SEL1L2: variants seen among roughly 807,000 people sequenced by gnomAD.
SEL1L2 encodes the protein protein sel-1 homolog 2.
Under a neutral mutation model 98.8 loss-of-function variants are expected in SEL1L2, and 89 were observed. The ratio of observed to expected loss-of-function variants is 0.90; its 90% CI spans 0.76 to 1.07. The LOEUF is 1.07. Among genes scored for constraint, SEL1L2 ranks in the 50% least tolerant of loss-of-function variants. The pLI is 0.00. For synonymous variants in SEL1L2, 262 were observed against 278.5 expected, an observed-to-expected ratio of 0.94 and a Z score of 0.59; for missense variants, 788 against 812.0, an observed-to-expected ratio of 0.97 and a Z score of 0.36.
At chr20:13,875,075 C>T (rs1407392629) in intron 12 of SEL1L2, among the ~76,000 whole-genome samples, 7 of 152,142 alleles carry the variant, frequency 4.6e-5, no homozygotes, top group Admixed American at 3.3e-4. Context: ...TATACCATTT[C>T]GATCGTCCCT....
Position 13,931,589 on chromosome 20 carries a change from G to T in SEL1L2, c.283+14C>A. The stretch of plus-strand genomic sequence containing the variant: ...GTCATTTTAAATTTACATGTGAAAA[G>T]ATATTCTACTTACAATGATTCTTAT... On this transcript the variant is annotated intron_variant, in intron 3 of 19. Transcript: ENST00000284951. 1 of 1,303,114 alleles carries T rather than the reference G, an allele frequency of 7.7e-7. No individual in the cohort carries two copies. Among genetic ancestry groups the T allele is most frequent in the Non-Finnish European group, 1.0e-6 (1 of 962,866 alleles). 80.7% of individuals were successfully genotyped at this position (1,303,114 alleles called of 1,614,324 possible). A position where few individuals can be genotyped will look rare whatever the true frequency, so the allele number is the denominator to read the frequency against.
At chr20:13,912,604 T>G (rs2048253280) in intron 5 of SEL1L2, among the ~76,000 whole-genome samples, 1 of 152,126 alleles carries the variant, frequency 6.6e-6, no homozygotes. Flanking sequence ...GCCCAATTTT[T>G]TCTGTGGGAG....
intron 1 of SEL1L2, among the ~76,000 whole-genome samples, chr20:13,980,224 A>C (rs1459276302): frequency 6.6e-6 from 1 of 152,112 alleles, no homozygotes; most frequent in Non-Finnish European, 1.5e-5. Context: ...AGAAAAGGGA[A>C]ATCTTTTTTG....
rs151191201 is a variant in SEL1L2 at position 13,967,029 on chromosome 20, G to A, written c.59-10898C>T. On this transcript the variant is annotated intron_variant, in intron 1 of 19. Transcript: ENST00000284951. ...CCTGAGTAGCTGGAACTATAGGCACGGGCTACCATGCCCAGCTAATTTTTG... is the reference window on the plus strand; with the variant it reads ...CCTGAGTAGCTGGAACTATAGGCACAGGCTACCATGCCCAGCTAATTTTTG... Among the ~76,000 whole-genome samples, 239 of 151,842 alleles carry A rather than the reference G, an allele frequency of 1.6e-3. 2 individuals carry two copies. Among genetic ancestry groups the A allele is most frequent in the African/African-American group, 5.5e-3 (227 of 41,412 alleles).
At chr20:13,867,501 C>G (rs1490176993) in intron 14 of SEL1L2, among the ~76,000 whole-genome samples, 1 of 152,144 alleles carries the variant, frequency 6.6e-6, no homozygotes, top group Non-Finnish European at 1.5e-5. Context: ...AACACTGGAG[C>G]CTTTAGAAGC....
At chr20:13,978,535 C>T (rs2051653453) in intron 1 of SEL1L2, among the ~76,000 whole-genome samples, 1 of 152,070 alleles carries the variant, frequency 6.6e-6, no homozygotes, top group Admixed American at 6.6e-5. Context: ...AATAGAATTA[C>T]CATATGATCC....
intron 2 of SEL1L2, among the ~76,000 whole-genome samples, chr20:13,946,716 T>C (rs981123362): frequency 3.3e-5 from 5 of 152,216 alleles, no homozygotes; most frequent in Non-Finnish European, 7.3e-5. Flanking sequence ...CAGGCATCCC[T>C]GTGCTCTTGG....
At chr20:13,933,774 A>C (rs2049265358) in intron 2 of SEL1L2, among the ~76,000 whole-genome samples, 2 of 151,994 alleles carry the variant, frequency 1.3e-5, no homozygotes, top group South Asian at 4.1e-4. Flanking sequence ...TGTGGAGAAA[A>C]GGTTTCTGTT....
chr20:13,861,268 C>G (rs1488223097), intron 17 of SEL1L2, among the ~76,000 whole-genome samples: 2 of 151,900 alleles, frequency 1.3e-5, no homozygotes, highest in Non-Finnish European at 2.9e-5. Context: ...CTCAGCCTCC[C>G]AAGCTCAAGC....
At chr20:13,876,947 C>T (rs8115802) in intron 11 of SEL1L2, among the ~76,000 whole-genome samples, 68,861 of 151,966 alleles carry the variant, frequency 0.45, 15,918 homozygotes, top group South Asian at 0.65. Flanking sequence ...CCTCAGCCTC[C>T]CAAGTAGCTG....
At chr20:13,931,507 C>A in intron 3 of SEL1L2, 96 bp downstream of exon 3, 1 of 698,346 alleles carries the variant, frequency 1.4e-6, no homozygotes. Flanking sequence ...ATATTTATGA[C>A]TATATCCTAA....
chr20:13,937,770 C>A (rs942033215), intron 2 of SEL1L2, among the ~76,000 whole-genome samples: 2 of 152,084 alleles, frequency 1.3e-5, no homozygotes, highest in Non-Finnish European at 2.9e-5. Context: ...AAATAGGCTG[C>A]CTTGAATCAA....
intron 9 of SEL1L2, 109 bp from the exon 10 acceptor site, chr20:13,885,512 A>G: frequency 1.3e-6 from 1 of 750,148 alleles, no homozygotes; most frequent in East Asian, 2.5e-5. Flanking sequence ...ACACGTTTGA[A>G]ATGTCCTGAA....
At chr20:13,871,535 G>T (rs1355411954) in intron 12 of SEL1L2, among the ~76,000 whole-genome samples, 4 of 149,824 alleles carry the variant, frequency 2.7e-5, no homozygotes, top group African/African-American at 9.9e-5. Context: ...TTTTTGAGAC[G>T]GAGTCTCACT....
At chr20:13,980,774 G>GTA (rs1465651481) in intron 1 of SEL1L2, among the ~76,000 whole-genome samples, 5 of 152,072 alleles carry the variant, frequency 3.3e-5, no homozygotes, top group East Asian at 1.9e-4. Flanking sequence ...AGAAAATGTT[G>GTA]TATATATATA....
At chr20:13,915,658 A>T (rs1475458137) in intron 4 of SEL1L2, among the ~76,000 whole-genome samples, 1 of 152,154 alleles carries the variant, frequency 6.6e-6, no homozygotes, top group African/African-American at 2.4e-5. Context: ...AAATCCTTCT[A>T]GGTGTCTTGC....
intron 1 of SEL1L2, among the ~76,000 whole-genome samples, chr20:13,973,061 T>G: frequency 6.6e-6 from 1 of 152,208 alleles, no homozygotes; most frequent in East Asian, 1.9e-4. Flanking sequence ...TTATTTCATA[T>G]GTATCACCTC....
At chr20:13,925,048 A>G (rs1479252677) in intron 3 of SEL1L2, among the ~76,000 whole-genome samples, 1 of 152,144 alleles carries the variant, frequency 6.6e-6, no homozygotes, top group East Asian at 1.9e-4. Flanking sequence ...CTGAGGTAGG[A>G]CAATTGCTTA....
intron 2 of SEL1L2, among the ~76,000 whole-genome samples, chr20:13,943,311 T>C (rs1257407067): frequency 6.6e-6 from 1 of 152,214 alleles, no homozygotes; most frequent in African/African-American, 2.4e-5. Context: ...AGATTTATAT[T>C]AACTGCTAAT....
Sources: gnomAD v4.1 joint callset for allele counts (sites outside exome capture counted in the v4.1 genomes callset) on GRCh38, gnomAD v4.1.1 for gene constraint, MANE v1.5 for transcripts, NCBI Gene and HGNC (gene_info 2026-07-23, HGNC 2026-07-21) for gene names.